PDE4B: variants seen among roughly 807,000 people sequenced by gnomAD.
The protein encoded by PDE4B is phosphodiesterase 4B.
PDE4B carries 20 observed loss-of-function variants against 82.2 expected under a neutral mutation model. The observed-to-expected ratio is 0.24, with a 90% CI of 0.17 to 0.35. PDE4B has a LOEUF of 0.35. Among genes scored for constraint, PDE4B ranks in the 10% least tolerant of loss-of-function variants. The pLI, the probability that PDE4B is intolerant of heterozygous loss-of-function variation, is 1.00. For missense variants in PDE4B, 655 were observed against 907.2 expected, an observed-to-expected ratio of 0.72 and a Z score of 3.57; for synonymous variants, 320 against 318.9, an observed-to-expected ratio of 1.00 and a Z score of -0.04.
intron 3 of PDE4B, among the ~76,000 whole-genome samples, chr1:66,058,119 G>A (rs933638846): frequency 6.8e-4 from 103 of 152,218 alleles, no homozygotes; most frequent in African/African-American, 2.2e-3. Flanking sequence ...AAAACAGAGG[G>A]GCTACAGGCC....
At chr1:66,164,963 G>A (rs1178466436) in intron 3 of PDE4B, among the ~76,000 whole-genome samples, 1 of 151,410 alleles carries the variant, frequency 6.6e-6, no homozygotes, top group Non-Finnish European at 1.5e-5. Context: ...GGGTTTCACT[G>A]TGTTAGCCAG....
chr1:65,923,194 T>A (rs1435025777), intron 3 of PDE4B, among the ~76,000 whole-genome samples: 1 of 152,224 alleles, frequency 6.6e-6, no homozygotes, highest in Non-Finnish European at 1.5e-5. Flanking sequence ...CTGTAAAGGC[T>A]GTAGTTTCTT....
chr1:66,212,888 G>C (rs1166812313), intron 3 of PDE4B, among the ~76,000 whole-genome samples: 1 of 152,154 alleles, frequency 6.6e-6, no homozygotes, highest in East Asian at 1.9e-4. Flanking sequence ...TCTTCCTCTG[G>C]ATACCCCTCA....
intron 3 of PDE4B, among the ~76,000 whole-genome samples, chr1:66,121,378 CAAAT>C: frequency 6.6e-6 from 1 of 152,200 alleles, no homozygotes; most frequent in East Asian, 1.9e-4. Context: ...ATTTTGAAAA[CAAAT>C]AGTTCAGTTT....
At chr1:66,206,318 C>T (rs1010620439) in intron 3 of PDE4B, among the ~76,000 whole-genome samples, 4 of 152,100 alleles carry the variant, frequency 2.6e-5, no homozygotes, top group South Asian at 2.1e-4. Context: ...TGTCCCTGAA[C>T]GTTCAGCAAC....
intron 3 of PDE4B, chr1:66,062,763 G>T (rs1570125818): frequency 6.6e-6 from 1 of 151,932 alleles, no homozygotes; most frequent in African/African-American, 2.4e-5. Context: ...ATTTGTGTTA[G>T]TTTTCTAAAA....
At chr1:66,212,481 G>A (rs1160267500) in intron 3 of PDE4B, among the ~76,000 whole-genome samples, 1 of 151,988 alleles carries the variant, frequency 6.6e-6, no homozygotes, top group Admixed American at 6.6e-5. Context: ...CATTCTCCAG[G>A]AGGCCTAGCT....
chr1:65,950,149 C>A (rs1648920079), intron 3 of PDE4B, among the ~76,000 whole-genome samples: 1 of 152,090 alleles, frequency 6.6e-6, no homozygotes, highest in African/African-American at 2.4e-5. Context: ...TCTCTTCAAT[C>A]ACTGGTGCTG....
At chr1:65,903,464 G>A (rs1207865584) in intron 1 of PDE4B, among the ~76,000 whole-genome samples, 2 of 151,826 alleles carry the variant, frequency 1.3e-5, no homozygotes, top group Non-Finnish European at 2.9e-5. Context: ...GTGGGAGTGT[G>A]CATCTGTAGT....
At chr1:66,120,935 A>G (rs1413163560) in intron 3 of PDE4B, among the ~76,000 whole-genome samples, 1 of 152,228 alleles carries the variant, frequency 6.6e-6, no homozygotes, top group Non-Finnish European at 1.5e-5. Context: ...ATATCAGAGT[A>G]CATTATATAT....
chr1:65,986,350 G>T (rs1650952546), intron 3 of PDE4B, among the ~76,000 whole-genome samples: 1 of 152,154 alleles, frequency 6.6e-6, no homozygotes, highest in Admixed American at 6.6e-5. Context: ...GGATGAAACA[G>T]CTGACTCTTC....
chr1:66,349,604 T>G (rs1661670796), intron 8 of PDE4B, among the ~76,000 whole-genome samples: 1 of 152,204 alleles, frequency 6.6e-6, no homozygotes, highest in Non-Finnish European at 1.5e-5. Context: ...TTTGACCATG[T>G]TACCAACTCA....
intron 3 of PDE4B, among the ~76,000 whole-genome samples, chr1:66,023,621 C>G (rs2455021): frequency 0.68 from 103,875 of 151,994 alleles, 35,709 homozygotes; most frequent in African/African-American, 0.74. Flanking sequence ...AAATGGTTAA[C>G]AACATTCTAT....
intron 3 of PDE4B, among the ~76,000 whole-genome samples, chr1:66,174,897 A>G (rs551369473): frequency 6.6e-6 from 1 of 152,264 alleles, no homozygotes; most frequent in South Asian, 2.1e-4. Flanking sequence ...GAAACTTACA[A>G]TCATGGCAGA....
chr1:65,983,183 A>T (rs1474556982), intron 3 of PDE4B, among the ~76,000 whole-genome samples: 1 of 152,166 alleles, frequency 6.6e-6, no homozygotes, highest in Non-Finnish European at 1.5e-5. Context: ...AAATCAGATA[A>T]CTCATTGTCT....
intron 7 of PDE4B, among the ~76,000 whole-genome samples, chr1:66,295,620 G>A (rs1657454496): frequency 6.6e-6 from 1 of 152,058 alleles, no homozygotes; most frequent in Non-Finnish European, 1.5e-5. Context: ...GTAGAGACAG[G>A]GTTTCACCAT....
chr1:65,940,631 G>A (rs186764101), intron 3 of PDE4B, among the ~76,000 whole-genome samples: 20 of 152,136 alleles, frequency 1.3e-4, no homozygotes, highest in Non-Finnish European at 2.9e-5. Flanking sequence ...ATGAGATGCA[G>A]GTAGAGGTCT....
chr1:65,843,024 A>G (rs559191203), intron 1 of PDE4B, among the ~76,000 whole-genome samples: 30 of 152,262 alleles, frequency 2.0e-4, no homozygotes, highest in African/African-American at 5.8e-4. Flanking sequence ...GGGGATAACT[A>G]TCAAATGTGT....
chr1:66,293,063 T>A (rs1345294589), intron 7 of PDE4B, among the ~76,000 whole-genome samples: 1 of 152,202 alleles, frequency 6.6e-6, no homozygotes. Context: ...GGCATTTGGC[T>A]TAGTGGTTCT....
Sources: allele counts gnomAD v4.1 joint callset (sites outside exome capture counted in the v4.1 genomes callset), GRCh38; gene constraint gnomAD v4.1.1; transcripts MANE v1.5; gene names NCBI Gene and HGNC (gene_info 2026-07-23, HGNC 2026-07-21).